The following RHBG variants were observed in gnomAD, a reference collection of about 807,000 sequenced individuals.
RHBG encodes Rh family B glycoprotein.
RHBG carries 39 observed loss-of-function variants against 40.1 expected under a neutral mutation model. The observed-to-expected ratio is 0.97, with a 90% CI of 0.75 to 1.27. The LOEUF is 1.27. Ranked by LOEUF, RHBG falls within the 50% of genes most tolerant of loss-of-function variation. The probability of loss-of-function intolerance (pLI) is 0.00; values close to 1 mark genes in which losing one functional copy is unlikely to be tolerated. For synonymous variants in RHBG, 237 were observed against 252.5 expected, an observed-to-expected ratio of 0.94 and a Z score of 0.58; for missense variants, 549 against 588.1, an observed-to-expected ratio of 0.93 and a Z score of 0.69.
chr1:156,381,214 A>G (rs1418518571), intron 4 of RHBG, 133 bp from the exon 5 acceptor site: 1 of 932,858 alleles, frequency 1.1e-6, no homozygotes, highest in African/African-American at 1.6e-5. Context: ...AGGTGGTATT[A>G]TTATCAATCC....
rs376900959 is a variant in RHBG at position 156,378,263 on chromosome 1, C to T, written c.537C>T (p.Ala179=). Reference sequence around the variant, plus strand: ...CCCCACCTCCCCAGGTGAGAGATGCCGGAGGCTCCATGACTATCCACACCT... The same window carrying T: ...CCCCACCTCCCCAGGTGAGAGATGCTGGAGGCTCCATGACTATCCACACCT... ...VLLHLLGVRD[A]GGSMTIHTFG... is the part of the protein sequence containing the mutation. Residue 179 remains alanine, a synonymous_variant, in exon 4 of 10, where the codon GCC becomes GCT. Coordinates refer to ENST00000537040, the MANE Select transcript of RHBG (RefSeq NM_020407.5). The T allele has an allele frequency of 2.0e-4, 318 of 1,613,826 alleles. 3 individuals carry two copies. In the East Asian group the frequency reaches 4.3e-3, roughly 22 times the overall value.
At position 156,377,904 on chromosome 1, in the gene RHBG, ATGCT is replaced by A; in HGVS notation, c.375-85_375-82del. 1.5e-6 allele frequency: 2 copies of A among 1,328,102 alleles called. No homozygotes were observed. Among genetic ancestry groups the A allele is most frequent in the Non-Finnish European group, 2.1e-6 (2 of 973,932 alleles). The allele number at this position is 1,328,102 out of a possible 1,614,324, so 82.3% of individuals were successfully genotyped here. Reference sequence around the variant, plus strand: ...CCAACCCCACCCCACCCACCACATCATGCTGTCCTGGCTTCATGCCAGGCAGGAA... The same window carrying A: ...CCAACCCCACCCCACCCACCACATCAGTCCTGGCTTCATGCCAGGCAGGAA... On this transcript the variant is annotated intron_variant, in intron 2 of 9. Coordinates refer to ENST00000537040, the MANE Select transcript of RHBG (RefSeq NM_020407.5). This position sits in a 1 kb window ranked among gnomAD's most constrained non-coding sequence, Gnocchi z 4.6.
At position 156,381,590 on chromosome 1, in the gene RHBG, G is replaced by T. The variant is rs996854174; in HGVS notation, c.840+77G>T. ...GGAGAGGTCTGAGACCCTCAAGAAA[G>T]ATTCTCCCGGGGAACAGATAAGGGC... On this transcript the variant is annotated intron_variant, in intron 5 of 9. Coordinates refer to ENST00000537040, the MANE Select transcript of RHBG (RefSeq NM_020407.5). The T allele has an allele frequency of 2.7e-5, 41 of 1,503,988 alleles. No homozygotes were observed. In the Admixed American group the frequency reaches 3.9e-4, roughly 14 times the overall value. 93.2% of individuals were successfully genotyped at this position (1,503,988 alleles called of 1,614,324 possible).
chr1:156,381,447 G>C lies in RHBG; in HGVS notation c.774G>C (p.Leu258=), dbSNP rs1667631245. Residue 258 remains leucine, a synonymous_variant, in exon 5 of 10, where the codon CTG becomes CTC. Coordinates refer to ENST00000537040, the MANE Select transcript of RHBG (RefSeq NM_020407.5). ...HRTALNTYYS[L]AASTLGTFAL... ...CGGCCCTCAACACATACTACTCCCT[G>C]GCTGCCAGCACCCTTGGCACCTTTG... The C allele has an allele frequency of 1.9e-6, 3 of 1,614,052 alleles. No individual in the cohort carries two copies. Among genetic ancestry groups the C allele is most frequent in the Non-Finnish European group, 2.5e-6 (3 of 1,179,982 alleles).
rs752012232 is a variant in RHBG, at chr1:156,382,826, G to T, written c.1191G>T (p.Leu397=). ...AGGCCATGCACCAGCTCTTCGGGCT[G>T]TTTGTCACACTGATGTTTGCCTCTG... ...TSQAMHQLFG[L]FVTLMFASVG... Residue 397 remains leucine, a synonymous_variant, in exon 8 of 10, where the codon CTG becomes CTT. Transcript: ENST00000537040. 1 of 1,614,258 alleles carries T rather than the reference G, an allele frequency of 6.2e-7. No homozygotes were observed. Among genetic ancestry groups the T allele is most frequent in the Non-Finnish European group, 8.5e-7 (1 of 1,180,050 alleles).
At chr1:156,376,366 A>ATTTT (rs5777980) in intron 1 of RHBG, among the ~76,000 whole-genome samples, 1 of 143,566 alleles carries the variant, frequency 7.0e-6, no homozygotes, top group Non-Finnish European at 1.5e-5. Flanking sequence ...TATTTCCTAA[A>ATTTT]TTTTTTTTTT....
At position 156,378,130 on chromosome 1, in the gene RHBG, A is replaced by G. The variant is rs1329239565; in HGVS notation, c.515A>G (p.His172Arg). 1 of 1,589,014 alleles carries G rather than the reference A, an allele frequency of 6.3e-7. No homozygotes were observed. Among genetic ancestry groups the G allele is most frequent in the African/African-American group, 1.4e-5 (1 of 71,656 alleles). Residue 172 changes from histidine (H) to arginine (R), a missense_variant, in exon 3 of 10, where the codon CAT becomes CGT. By Grantham distance (29) the His-to-Arg change is conservative. This residue lies in a region of RHBG where 399 missense variants were observed against 417.0 expected (regional missense o/e 0.96). Coordinates refer to ENST00000537040, the MANE Select transcript of RHBG (RefSeq NM_020407.5). ...GGCATCAATGAGTTTGTGCTCCTTC[A>G]TCTCCTGGGGGTGAGAGTCTGGGGA... Reference protein sequence around the residue: ...LFGINEFVLLHLLGVRDAGGS... With the variant: ...LFGINEFVLLRLLGVRDAGGS...
At chr1:156,373,269 T>A (rs930631075) in intron 1 of RHBG, among the ~76,000 whole-genome samples, 3 of 151,704 alleles carry the variant, frequency 2.0e-5, no homozygotes, top group Non-Finnish European at 4.4e-5. Flanking sequence ...CTATAAAAAA[T>A]AAAAAAATTA....
rs1667689587 is a variant in RHBG at position 156,382,118 on chromosome 1, C to T, written c.1029C>T (p.Asn343=). 1 of 1,613,882 alleles carries T rather than the reference C, an allele frequency of 6.2e-7. No individual in the cohort carries two copies. ...TCCAAGACACATGTGGAGTCCACAA[C>T]CTCCATGGGATGCCGGGGGTCCTGG... ...FKVQDTCGVH[N]LHGMPGVLGA... Residue 343 remains asparagine (N), a synonymous_variant, in exon 7 of 10, where the codon AAC becomes AAT. Transcript: ENST00000537040.
Position 156,369,445 on chromosome 1 carries a change from G to A in RHBG, c.187+9G>A, listed in dbSNP as rs1191487277. 1.3e-6 allele frequency: 2 copies of A among 1,598,352 alleles called. No individual in the cohort carries two copies. The highest frequency in any genetic ancestry group is 1.3e-5 in the African/African-American group (1 of 74,582). On this transcript the variant is annotated intron_variant, in intron 1 of 9. Transcript: ENST00000537040. ...TTACTTTCGCTACCCAAGTGAGTGC[G>A]GGGTGAGGGCGCGCGGGAAGCAAAG...
chr1:156,379,659 C>T (rs931624179), intron 4 of RHBG, among the ~76,000 whole-genome samples: 7 of 152,192 alleles, frequency 4.6e-5, no homozygotes, highest in Admixed American at 2.0e-4. Flanking sequence ...AATGAGGCCC[C>T]TTCCTGGATT....
At position 156,384,605 on chromosome 1, in the gene RHBG, G is replaced by A. The variant is rs1430274586; in HGVS notation, c.1308+5G>A. 6.4e-7 allele frequency: 1 copy of A among 1,568,566 alleles called. No individual in the cohort carries two copies. The highest frequency in any genetic ancestry group is 8.7e-7 in the Non-Finnish European group (1 of 1,154,570). ...GAGGACCAAGTTCACTGGCAGGTGA[G>A]ACATTGCTGGGCTCTCACACCCTCT... On this transcript the variant is annotated splice_donor_5th_base_variant and intron_variant, in intron 9 of 9. Transcript: ENST00000537040.
intron 8 of RHBG, 125 bp from the exon 9 acceptor site, chr1:156,384,402 T>C: frequency 1.2e-6 from 1 of 851,124 alleles, no homozygotes; most frequent in Non-Finnish European, 2.0e-6. Flanking sequence ...CTGCTGTGTT[T>C]TGCCTGCACA....
chr1:156,377,563 T>C lies in RHBG; in HGVS notation c.374+76T>C. Reference sequence around the variant, plus strand: ...TGCCCATGGGCCCCGGATCTAGCCCTGTCCTTCAAGTCTGCTTCCTGACTC... The same window carrying C: ...TGCCCATGGGCCCCGGATCTAGCCCCGTCCTTCAAGTCTGCTTCCTGACTC... On this transcript the variant is annotated intron_variant, in intron 2 of 9. Transcript: ENST00000537040. The surrounding 1 kb of genome is among the most constrained non-coding windows in gnomAD (Gnocchi z 4.6). 1 of 1,463,428 alleles carries C rather than the reference T, an allele frequency of 6.8e-7. No homozygotes were observed. The highest frequency in any genetic ancestry group is 9.3e-7 in the Non-Finnish European group (1 of 1,078,660). The allele number at this position is 1,463,428 out of a possible 1,614,324, so 90.7% of individuals were successfully genotyped here.
chr1:156,371,164 CTTTT>C, intron 1 of RHBG: 6 of 388,706 alleles, frequency 1.5e-5, no homozygotes, highest in Middle Eastern at 8.7e-4. Context: ...TATTTTCTTT[CTTTT>C]TTTTTTTTTT....
In RHBG at chr1:156,382,182, C is replaced by G. The variant is rs1667698058; in HGVS notation, c.1093C>G (p.His365Asp). 3.1e-6 allele frequency: 5 copies of G among 1,614,016 alleles called. No homozygotes were observed. The highest frequency in any genetic ancestry group is 4.2e-6 in the Non-Finnish European group (5 of 1,180,040). ...GGTCCTTGTGGCTGGACTTGCCACCCATGAAGCTTACGGAGATGGGTGAGT... is the reference window on the plus strand; with the variant it reads ...GGTCCTTGTGGCTGGACTTGCCACCGATGAAGCTTACGGAGATGGGTGAGT... ...LGVLVAGLAT[H>D]EAYGDGLESV... The change falls in exon 7 of 10, where the codon CAT (histidine) becomes GAT (aspartate). Residue 365 changes from histidine (H) to aspartate (D), a missense_variant. By Grantham distance (81) the His-to-Asp change is moderately conservative (BLOSUM62 -1). Coordinates refer to ENST00000537040, the MANE Select transcript of RHBG (RefSeq NM_020407.5).
intron 1 of RHBG, among the ~76,000 whole-genome samples, chr1:156,376,561 G>A (rs779763851): frequency 3.1e-4 from 47 of 151,998 alleles, no homozygotes; most frequent in South Asian, 2.1e-4. Context: ...ACCGGGTTTC[G>A]CCATGTTGGC....
chr1:156,374,775 A>G, intron 1 of RHBG: 2 of 281,332 alleles, frequency 7.1e-6, no homozygotes, highest in Non-Finnish European at 7.0e-6. Flanking sequence ...TAGTAGAGAC[A>G]GGGTTTTTCC....
chr1:156,383,779 G>C (rs545582697), intron 8 of RHBG, among the ~76,000 whole-genome samples: 9 of 150,232 alleles, frequency 6.0e-5, no homozygotes, highest in Non-Finnish European at 1.0e-4. Flanking sequence ...CGCCCGCCTC[G>C]GCCTCCCAAA....
Sources: gnomAD v4.1 joint callset for allele counts (sites outside exome capture counted in the v4.1 genomes callset) on GRCh38, gnomAD v4.1.1 for gene constraint, gnomAD v4.1.1 regional missense constraint, Gnocchi (gnomAD v3.1) non-coding constraint, MANE v1.5 for transcripts, NCBI Gene and HGNC (gene_info 2026-07-23, HGNC 2026-07-21) for gene names.